Variants in AZIN1 observed in about 807,000 individuals in gnomAD.
AZIN1 encodes the protein antizyme inhibitor 1.
In AZIN1, 12 loss-of-function variants were observed where a neutral mutation model predicts 47.4. The observed-to-expected ratio is 0.25, with a 90% CI of 0.16 to 0.41. AZIN1 has a LOEUF of 0.41. AZIN1 is among the 10% of genes least tolerant of loss of function. The pLI, the probability that AZIN1 is intolerant of heterozygous loss-of-function variation, is 1.00. For synonymous variants in AZIN1, 155 were observed against 176.3 expected, an observed-to-expected ratio of 0.88 and a Z score of 0.96; for missense variants, 410 against 532.4, an observed-to-expected ratio of 0.77 and a Z score of 2.26.
intron 2 of AZIN1, 44 bp from the exon 3 acceptor site, chr8:102,843,791 G>T: frequency 7.5e-7 from 1 of 1,326,830 alleles, no homozygotes; most frequent in Non-Finnish European, 9.8e-7. Flanking sequence ...TATTTCAATA[G>T]ACATAATGTA....
At chr8:102,859,298 A>C (rs1215870822) in intron 1 of AZIN1, 1 of 152,208 alleles carries the variant, frequency 6.6e-6, no homozygotes, top group Non-Finnish European at 1.5e-5. Context: ...ATAAATAAAA[A>C]GTTGAGTCAT....
At chr8:102,831,852 G>C (rs1159371524) in intron 9 of AZIN1, among the ~76,000 whole-genome samples, 1 of 152,104 alleles carries the variant, frequency 6.6e-6, no homozygotes, top group African/African-American at 2.4e-5. Flanking sequence ...CTATGCAAGA[G>C]GTTGAAGGTA....
intron 4 of AZIN1, 29 bp from the exon 5 acceptor site, chr8:102,838,945 CATA>C (rs1241121119): frequency 1.9e-6 from 3 of 1,581,890 alleles, no homozygotes; most frequent in East Asian, 2.2e-5. Flanking sequence ...AGTGAGAATA[CATA>C]ATGTCACAGT....
intron 2 of AZIN1, among the ~76,000 whole-genome samples, chr8:102,850,403 C>A (rs563400300): frequency 6.6e-6 from 1 of 152,276 alleles, no homozygotes; most frequent in East Asian, 1.9e-4. Context: ...TTGCTTAAGT[C>A]CCCTCTGCAT....
intron 8 of AZIN1, among the ~76,000 whole-genome samples, chr8:102,833,472 G>GT (rs3214632): frequency 0.29 from 43,304 of 150,248 alleles, 6,367 homozygotes; most frequent in South Asian, 0.4. Flanking sequence ...ATTTGTTTTT[G>GT]TTTTTTTTTA....
At chr8:102,844,515 G>A (rs1432486895) in intron 2 of AZIN1, among the ~76,000 whole-genome samples, 2 of 152,116 alleles carry the variant, frequency 1.3e-5, no homozygotes, top group African/African-American at 4.8e-5. Flanking sequence ...AGTTGCTTTG[G>A]TGAAATCACT....
At chr8:102,853,610 G>A (rs1375493543) in intron 2 of AZIN1, among the ~76,000 whole-genome samples, 1 of 152,130 alleles carries the variant, frequency 6.6e-6, no homozygotes, top group Non-Finnish European at 1.5e-5. Context: ...CTAAAACCTT[G>A]TTTATCCATT....
intron 2 of AZIN1, among the ~76,000 whole-genome samples, chr8:102,847,633 C>T (rs1015726308): frequency 5.9e-5 from 9 of 151,562 alleles, no homozygotes; most frequent in Non-Finnish European, 1.3e-4. Context: ...AGTGGCATCA[C>T]AGCCCACCGA....
chr8:102,856,893 T>C (rs559420441), intron 2 of AZIN1, among the ~76,000 whole-genome samples: 2 of 152,366 alleles, frequency 1.3e-5, no homozygotes, highest in African/African-American at 2.4e-5. Context: ...TGAGATTCTG[T>C]ATTTCTGTTC....
intron 2 of AZIN1, among the ~76,000 whole-genome samples, chr8:102,845,217 G>A (rs774253167): frequency 6.7e-6 from 1 of 148,326 alleles, no homozygotes; most frequent in African/African-American, 2.5e-5. Context: ...ACTCCATTTC[G>A]ATGGTTCTTA....
chr8:102,832,944 T>G lies in AZIN1; in HGVS notation c.904+112A>C, dbSNP rs1811558746. The G allele has an allele frequency of 3.0e-6, 3 of 991,570 alleles. No individual in the cohort carries two copies. In the South Asian group the frequency reaches 4.9e-5, roughly 16 times the overall value. The allele number at this position is 991,570 out of a possible 1,614,324, so 61.4% of individuals were successfully genotyped here. ...CGTGAGCCACCACGCCCGGCCAGTTTTAAGATTTTTAAAAGCTGAAAACCA... is the reference window on the plus strand; with the variant it reads ...CGTGAGCCACCACGCCCGGCCAGTTGTAAGATTTTTAAAAGCTGAAAACCA... On this transcript the variant is annotated intron_variant, in intron 9 of 11. Transcript: ENST00000337198.
At position 102,843,569 on chromosome 8, in the gene AZIN1, A is replaced by G. The variant is rs1812360219; in HGVS notation, c.84T>C (p.Tyr28=). Residue 28 remains tyrosine (Y), a synonymous_variant, in exon 3 of 12, where the codon TAT becomes TAC. Coordinates refer to ENST00000337198, the MANE Select transcript of AZIN1 (RefSeq NM_148174.4). ...CACTTACCAGGGTATGTTCATAAAC[A>G]TAGTTATCAATAACATTTCCAAGGT... is the stretch of plus-strand genomic sequence containing the variant. ...GTNLGNVIDN[Y]VYEHTLTGKN... 2.5e-6 allele frequency: 4 copies of G among 1,613,942 alleles called. No individual in the cohort carries two copies. In the African/African-American group the frequency reaches 4.0e-5, roughly 16 times the overall value.
chr8:102,846,396 C>A (rs1000538269), intron 2 of AZIN1, among the ~76,000 whole-genome samples: 2 of 152,178 alleles, frequency 1.3e-5, no homozygotes, highest in Non-Finnish European at 2.9e-5. Flanking sequence ...ACTCTGACTG[C>A]CTGCTAAGCT....
rs991234629 is a variant in AZIN1 at position 102,829,955 on chromosome 8, G to A, written c.905-19C>T. 18 of 1,463,196 alleles carry A rather than the reference G, an allele frequency of 1.2e-5. No individual in the cohort carries two copies. The highest frequency in any genetic ancestry group is 1.7e-5 in the Non-Finnish European group (18 of 1,060,670). The allele number at this position is 1,463,196 out of a possible 1,614,324, so 90.6% of individuals were successfully genotyped here. ...TTTTCTACTGGAATAAAACAGGAAA[G>A]GGGAAAATGAATTTTTAATAAAATG... On this transcript the variant is annotated intron_variant, in intron 9 of 11. Transcript: ENST00000337198.
At chr8:102,833,909 G>T (rs1361613141) in intron 8 of AZIN1, among the ~76,000 whole-genome samples, 1 of 148,478 alleles carries the variant, frequency 6.7e-6, no homozygotes, top group Non-Finnish European at 1.5e-5. Context: ...AAAAAAAAAA[G>T]GTAGTAGTGA....
intron 1 of AZIN1, among the ~76,000 whole-genome samples, chr8:102,861,990 T>C (rs1023341467): frequency 1.3e-5 from 2 of 151,648 alleles, no homozygotes; most frequent in African/African-American, 4.8e-5. Context: ...AAGCCGAGAT[T>C]GTGCCACTGC....
intron 2 of AZIN1, among the ~76,000 whole-genome samples, chr8:102,849,495 C>T (rs565323152): frequency 6.6e-6 from 1 of 152,166 alleles, no homozygotes; most frequent in African/African-American, 2.4e-5. Context: ...GGCTGCAACA[C>T]ATTCTGGTGC....
chr8:102,829,875 A>C lies in AZIN1; in HGVS notation c.966T>G (p.Gly322=). The change falls in exon 10 of 12, where the codon GGT becomes GGG. Residue 322 remains glycine (G), a synonymous_variant. Transcript: ENST00000337198. ...FMYYMNDGVY[G]SFASKLSEDL... ...CCTCAGACAGTTTACTTGCAAAAGAACCATAAACACCATCATTCATATAAT... is the reference window on the plus strand; with the variant it reads ...CCTCAGACAGTTTACTTGCAAAAGACCCATAAACACCATCATTCATATAAT... The C allele has an allele frequency of 6.2e-7, 1 of 1,613,634 alleles. No individual in the cohort carries two copies. The highest frequency in any genetic ancestry group is 1.3e-5 in the African/African-American group (1 of 75,022).
chr8:102,834,751 A>G lies in AZIN1; in HGVS notation c.585-4T>C. On this transcript the variant is annotated splice_polypyrimidine_tract_variant and splice_region_variant and intron_variant, in intron 6 of 11. Transcript: ENST00000337198. Reference sequence around the variant, plus strand: ...GCAAGCACTCGAAACATGAAATCTGAAACACATAGAATACTAAATTTAAAG... The same window carrying G: ...GCAAGCACTCGAAACATGAAATCTGGAACACATAGAATACTAAATTTAAAG... 6.2e-7 allele frequency: 1 copy of G among 1,600,582 alleles called. No individual in the cohort carries two copies. Among genetic ancestry groups the G allele is most frequent in the East Asian group, 2.2e-5 (1 of 44,718 alleles).
Sources: gnomAD v4.1 joint callset for allele counts (sites outside exome capture counted in the v4.1 genomes callset) on GRCh38, gnomAD v4.1.1 for gene constraint, MANE v1.5 for transcripts, NCBI Gene and HGNC (gene_info 2026-07-23, HGNC 2026-07-21) for gene names.